Variants in CAMK1D observed in about 807,000 individuals in gnomAD.
CAMK1D encodes calcium/calmodulin dependent protein kinase ID.
CAMK1D carries 9 observed loss-of-function variants against 47.7 expected under a neutral mutation model. The observed-to-expected ratio is 0.19, with a 90% CI of 0.11 to 0.33. The LOEUF (loss-of-function observed/expected upper bound fraction) is 0.33. Among genes scored for constraint, CAMK1D ranks in the 10% least tolerant of loss-of-function variants. The pLI is 1.00. For synonymous variants in CAMK1D, 184 were observed against 184.9 expected (o/e 0.99, Z 0.04); for missense variants, 291 against 488.7 (o/e 0.60, Z 3.81).
intron 1 of CAMK1D, among the ~76,000 whole-genome samples, chr10:12,370,543 G>A (rs1171671232): frequency 1.3e-5 from 2 of 152,150 alleles, no homozygotes; most frequent in African/African-American, 2.4e-5. Flanking sequence ...GGGACAAGAT[G>A]TGGAGGTGGA....
At chr10:12,354,664 C>A (rs1250004080) in intron 1 of CAMK1D, among the ~76,000 whole-genome samples, 1 of 151,896 alleles carries the variant, frequency 6.6e-6, no homozygotes, top group African/African-American at 2.4e-5. Flanking sequence ...CCTGCCTCGG[C>A]CTCCCAAAGT....
At chr10:12,787,315 A>G (rs988700338) in intron 5 of CAMK1D, among the ~76,000 whole-genome samples, 1 of 152,190 alleles carries the variant, frequency 6.6e-6, no homozygotes, top group Non-Finnish European at 1.5e-5. Context: ...GTGGATTTCT[A>G]GAAAAAACCA....
intron 3 of CAMK1D, among the ~76,000 whole-genome samples, chr10:12,725,999 T>C (rs1197998716): frequency 6.6e-6 from 1 of 151,996 alleles, no homozygotes; most frequent in Non-Finnish European, 1.5e-5. Flanking sequence ...TCAGGTGATC[T>C]GCCCACCTCG....
At chr10:12,457,720 G>T (rs1201173106) in intron 1 of CAMK1D, among the ~76,000 whole-genome samples, 1 of 147,796 alleles carries the variant, frequency 6.8e-6, no homozygotes, top group Non-Finnish European at 1.5e-5. Flanking sequence ...GGCGGAGGTT[G>T]CAGTGAGCTG....
rs1564524609 is a variant in CAMK1D, at chr10:12,734,476, ATATATACACATATG to A, written c.300-26465_300-26452del. 3.8e-4 allele frequency among the ~76,000 whole-genome samples: 52 copies of A among 136,572 alleles called. 1 individual carries two copies. Among genetic ancestry groups the A allele is most frequent in the African/African-American group, 1.0e-3 (36 of 35,328 alleles). The allele number at this position is 136,572 out of a possible 152,430, so 89.6% of individuals were successfully genotyped here. On this transcript the variant is annotated intron_variant, in intron 3 of 10. Transcript: ENST00000619168. Reference sequence around the variant, plus strand: ...TATATATACACATACACATATGTGTATATATACACATATGTATATATATACACACACACATATAT... The same window carrying A: ...TATATATACACATACACATATGTGTATATATATATACACACACACATATAT...
In CAMK1D at chr10:12,522,726, C is replaced by T. The variant is rs375858240; in HGVS notation, c.93-30499C>T. On this transcript the variant is annotated intron_variant, in intron 1 of 10. Coordinates refer to ENST00000619168, the MANE Select transcript of CAMK1D (RefSeq NM_153498.4). ...TGAGCTGTTGGGTACACCTCCCAGA[C>T]GGGGTGGTGGCCGGGCAGAGGGGCT... Among the ~76,000 whole-genome samples the T allele has an allele frequency of 3.6e-4, 55 of 151,886 alleles. No homozygotes were observed. In the South Asian group the frequency reaches 7.1e-3, roughly 20 times the overall value.
chr10:12,581,454 G>A (rs1837661208), intron 2 of CAMK1D, among the ~76,000 whole-genome samples: 1 of 152,118 alleles, frequency 6.6e-6, no homozygotes. Flanking sequence ...GTTGTTCAGG[G>A]AATCTCCACA....
At chr10:12,654,729 A>G (rs940595812) in intron 2 of CAMK1D, among the ~76,000 whole-genome samples, 1 of 152,168 alleles carries the variant, frequency 6.6e-6, no homozygotes, top group Non-Finnish European at 1.5e-5. Flanking sequence ...TAAAAATCAG[A>G]CTTATTATCA....
In CAMK1D at chr10:12,796,119, C is replaced by T. The variant is rs373048188; in HGVS notation, c.641+4886C>T. 1.4e-3 allele frequency among the ~76,000 whole-genome samples: 220 copies of T among 152,292 alleles called. 3 individuals carry two copies. Among genetic ancestry groups the T allele is most frequent in the African/African-American group, 4.9e-3 (205 of 41,564 alleles). On this transcript the variant is annotated intron_variant, in intron 6 of 10. Transcript: ENST00000619168. ...ACTCATTTTTTAAATGATTATTTAA[C>T]GATCATTTGCCTAAATTATGCTCAA...
At chr10:12,364,348 T>G (rs1837772410) in intron 1 of CAMK1D, among the ~76,000 whole-genome samples, 1 of 150,330 alleles carries the variant, frequency 6.7e-6, no homozygotes, top group South Asian at 2.1e-4. Context: ...TTCAAGCAAT[T>G]CTCCTGCCTC....
Position 12,824,692 on chromosome 10 carries a change from G to A in CAMK1D, c.921+140G>A, listed in dbSNP as rs1008845083. ...AACTGCAAGTAATAAAGACTCAGAG[G>A]GAATATTATGGTGTAAGAGGGATGG... On this transcript the variant is annotated intron_variant, in intron 9 of 10. Transcript: ENST00000619168. The A allele has an allele frequency of 4.5e-6, 3 of 662,486 alleles. No individual in the cohort carries two copies. The African/African-American group carries it at 5.4e-5, about 12-fold the overall frequency. The allele number at this position is 662,486 out of a possible 1,614,324, so 41.0% of individuals were successfully genotyped here.
chr10:12,631,558 G>A (rs1043234840), intron 2 of CAMK1D, among the ~76,000 whole-genome samples: 15 of 152,208 alleles, frequency 9.9e-5, no homozygotes, highest in Non-Finnish European at 1.8e-4. Context: ...TAGGGTAGAC[G>A]TGTCAGGTTA....
chr10:12,718,844 G>A (rs995883462), intron 3 of CAMK1D, among the ~76,000 whole-genome samples: 1 of 151,912 alleles, frequency 6.6e-6, no homozygotes, highest in African/African-American at 2.4e-5. Flanking sequence ...TACCTTATCA[G>A]TCTCATAACT....
intron 1 of CAMK1D, among the ~76,000 whole-genome samples, chr10:12,541,198 C>T (rs1235611546): frequency 6.6e-6 from 1 of 152,136 alleles, no homozygotes; most frequent in Non-Finnish European, 1.5e-5. Context: ...TGAATTAGCA[C>T]TACAAAATGT....
intron 5 of CAMK1D, among the ~76,000 whole-genome samples, chr10:12,770,215 G>T (rs1008468006): frequency 6.6e-6 from 1 of 152,170 alleles, no homozygotes; most frequent in African/African-American, 2.4e-5. Flanking sequence ...GAACATTGAT[G>T]GAGGAACCTG....
intron 1 of CAMK1D, among the ~76,000 whole-genome samples, chr10:12,541,498 G>A (rs1037815699): frequency 4.6e-5 from 7 of 152,146 alleles, no homozygotes; most frequent in Admixed American, 3.3e-4. Context: ...TGAGTAGCTG[G>A]GATTACAGGC....
chr10:12,827,788 A>G (rs997910827), intron 10 of CAMK1D, among the ~76,000 whole-genome samples: 4 of 151,840 alleles, frequency 2.6e-5, no homozygotes, highest in Non-Finnish European at 5.9e-5. Context: ...TCCTAGGCTC[A>G]AGTAATCCTC....
chr10:12,775,072 T>G (rs1316156213), intron 5 of CAMK1D, among the ~76,000 whole-genome samples: 1 of 134,624 alleles, frequency 7.4e-6, no homozygotes. Flanking sequence ...GGTGAGACTG[T>G]GAGAAGGCTC....
intron 1 of CAMK1D, among the ~76,000 whole-genome samples, chr10:12,422,492 A>T (rs1264373037): frequency 6.6e-6 from 1 of 152,072 alleles, no homozygotes; most frequent in African/African-American, 2.4e-5. Context: ...CGATGCCTGG[A>T]TACGAATGAC....
Sources: gnomAD v4.1 joint callset for allele counts (sites outside exome capture counted in the v4.1 genomes callset) on GRCh38, gnomAD v4.1.1 for gene constraint, MANE v1.5 for transcripts, NCBI Gene and HGNC (gene_info 2026-07-23, HGNC 2026-07-21) for gene names.